TATDN3: variants seen among roughly 807,000 people sequenced by gnomAD.
TATDN3 encodes deoxyribonuclease TATDN3.
Under a neutral mutation model 40.1 loss-of-function variants are expected in TATDN3, and 29 were observed. The ratio of observed to expected loss-of-function variants is 0.72; its 90% confidence interval spans 0.54 to 0.99. TATDN3 has a LOEUF of 0.99. TATDN3 is among the 50% of genes least tolerant of loss of function. TATDN3 has a pLI of 0.00. For missense variants in TATDN3, 309 were observed against 321.9 expected (o/e 0.96, Z 0.31); for synonymous variants, 105 against 117.0 (o/e 0.90, Z 0.66).
At chr1:212,811,915 C>G (rs998193535) in intron 8 of TATDN3, among the ~76,000 whole-genome samples, 3 of 152,002 alleles carry the variant, frequency 2.0e-5, no homozygotes, top group Non-Finnish European at 4.4e-5. Flanking sequence ...GTTGGCCAGG[C>G]TAGTCTTGAA....
chr1:212,815,011 A>G lies in TATDN3; in HGVS notation c.682-2A>G. On this transcript the variant is annotated splice_acceptor_variant, in intron 9 of 9. Coordinates refer to ENST00000366974, the MANE Select transcript of TATDN3 (RefSeq NM_001042552.3). LOFTEE classifies it high-confidence loss of function. ...GACATGGTGTCTGCTGTCTTGTTTCAGGTACGGAATGAGCCCTGGAACATT... is the reference window on the plus strand; with the variant it reads ...GACATGGTGTCTGCTGTCTTGTTTCGGGTACGGAATGAGCCCTGGAACATT... The G allele has an allele frequency of 6.2e-7, 1 of 1,610,990 alleles. No individual in the cohort carries two copies. Among genetic ancestry groups the G allele is most frequent in the South Asian group, 1.1e-5 (1 of 90,502 alleles).
In TATDN3 at chr1:212,815,270, GATTGTA is replaced by G. The variant is rs1419751617; in HGVS notation, c.*121_*126del. On this transcript the variant is annotated 3_prime_UTR_variant, in exon 10 of 10. Coordinates refer to ENST00000366974, the MANE Select transcript of TATDN3 (RefSeq NM_001042552.3). ...GAAGCTGTTTTATAGGGTTATAGAA[GATTGTA>G]ATTGTAGAGAAATATTTCTCTTAGA... The G allele has an allele frequency of 1.7e-4, 201 of 1,184,728 alleles. 1 individual carries two copies. The Middle Eastern group carries it at 2.5e-3, about 15-fold the overall frequency. 73.4% of individuals were successfully genotyped at this position (1,184,728 alleles called of 1,614,324 possible).
At position 212,795,204 on chromosome 1, in the gene TATDN3, G is replaced by C. The variant is rs183818118; in HGVS notation, c.99+77G>C. 3.6e-3 allele frequency: 3,586 copies of C among 991,704 alleles called. 9 individuals are homozygous for C. The highest frequency in any genetic ancestry group is 5.0e-3 in the Non-Finnish European group (3,117 of 624,768). The allele number at this position is 991,704 out of a possible 1,614,324, so 61.4% of individuals were successfully genotyped here. A position where few individuals can be genotyped will look rare whatever the true frequency, so the allele number is the denominator to read the frequency against. ...TCAAGCCAAAACAGCTTGAAATTTAGATATACTACCTTGATGTTTCAGTAG... is the reference window on the plus strand; with the variant it reads ...TCAAGCCAAAACAGCTTGAAATTTACATATACTACCTTGATGTTTCAGTAG... On this transcript the variant is annotated intron_variant, in intron 2 of 9. Coordinates refer to ENST00000366974, the MANE Select transcript of TATDN3 (RefSeq NM_001042552.3).
intron 8 of TATDN3, among the ~76,000 whole-genome samples, chr1:212,810,389 G>A (rs1196073959): frequency 6.6e-6 from 1 of 151,186 alleles, no homozygotes; most frequent in African/African-American, 2.4e-5. Flanking sequence ...GTGGGCGCCT[G>A]TAGTCCCAGC....
intron 9 of TATDN3, among the ~76,000 whole-genome samples, 160 bp downstream of exon 9, chr1:212,812,488 T>C (rs568908359): frequency 9.2e-5 from 14 of 152,348 alleles, no homozygotes; most frequent in African/African-American, 3.4e-4. Context: ...TTTCTAAATA[T>C]AGCTGTTGCA....
rs1375549346 is a variant in TATDN3 at position 212,806,829 on chromosome 1, T to TATATACAC, written c.488-902_488-901insCACATATA. On this transcript the variant is annotated intron_variant, in intron 7 of 9. Transcript: ENST00000366974. ...ATACACATATATACACATATATACA[T>TATATACAC]ATATATACATATATACACATATATA... Among the ~76,000 whole-genome samples the TATATACAC allele has an allele frequency of 7.2e-3, 404 of 56,184 alleles. 16 individuals carry two copies. The highest frequency in any genetic ancestry group is 0.016 in the South Asian group (26 of 1,612). The allele number at this position is 56,184 out of a possible 152,430, so 36.9% of individuals were successfully genotyped here. A position where few individuals can be genotyped will look rare whatever the true frequency, so the allele number is the denominator to read the frequency against.
chr1:212,810,575 T>A (rs1441388274), intron 8 of TATDN3, among the ~76,000 whole-genome samples: 2 of 142,664 alleles, frequency 1.4e-5, no homozygotes, highest in South Asian at 2.2e-4. Flanking sequence ...TAGTCCCAAC[T>A]ACTTGGGAGG....
At chr1:212,806,921 CATATAT>C (rs1214891800) in intron 7 of TATDN3, among the ~76,000 whole-genome samples, 1 of 123,582 alleles carries the variant, frequency 8.1e-6, no homozygotes, top group African/African-American at 3.4e-5. Context: ...CACATATATA[CATATAT>C]ATATATTTAT....
chr1:212,815,256 A>G lies in TATDN3; in HGVS notation c.*100A>G. On this transcript the variant is annotated 3_prime_UTR_variant, in exon 10 of 10. Coordinates refer to ENST00000366974, the MANE Select transcript of TATDN3 (RefSeq NM_001042552.3). ...GAATCTGAACTGAAGAAGCTGTTTT[A>G]TAGGGTTATAGAAGATTGTAATTGT... The G allele has an allele frequency of 7.4e-7, 1 of 1,350,904 alleles. No individual in the cohort carries two copies. Among genetic ancestry groups the G allele is most frequent in the Non-Finnish European group, 1.0e-6 (1 of 1,001,674 alleles). 83.7% of individuals were successfully genotyped at this position (1,350,904 alleles called of 1,614,324 possible).
rs1315831910 is a variant in TATDN3 at position 212,807,855 on chromosome 1, T to G, written c.600+7T>G. On this transcript the variant is annotated splice_region_variant and intron_variant, in intron 8 of 9. Coordinates refer to ENST00000366974, the MANE Select transcript of TATDN3 (RefSeq NM_001042552.3). ...TATCATAAGAAGTGGACAGGTAAATTTTTTCATTGAAACTCATCTAATACT... is the reference window on the plus strand; with the variant it reads ...TATCATAAGAAGTGGACAGGTAAATGTTTTCATTGAAACTCATCTAATACT... 6.3e-7 allele frequency: 1 copy of G among 1,577,274 alleles called. No individual in the cohort carries two copies. Among genetic ancestry groups the G allele is most frequent in the Non-Finnish European group, 8.7e-7 (1 of 1,154,432 alleles).
intron 8 of TATDN3, among the ~76,000 whole-genome samples, chr1:212,809,997 C>G (rs967453402): frequency 6.6e-6 from 1 of 152,110 alleles, no homozygotes; most frequent in African/African-American, 2.4e-5. Context: ...GCACTCCAGC[C>G]TGGGCGACAG....
At chr1:212,793,833 G>T (rs1661528266) in intron 1 of TATDN3, among the ~76,000 whole-genome samples, 1 of 152,156 alleles carries the variant, frequency 6.6e-6, no homozygotes, top group Admixed American at 6.5e-5. Context: ...AAGGTCTGAG[G>T]TGGAGGTGGG....
At chr1:212,800,244 C>T (rs1045377685) in intron 4 of TATDN3, among the ~76,000 whole-genome samples, 4 of 152,068 alleles carry the variant, frequency 2.6e-5, no homozygotes, top group Admixed American at 6.6e-5. Flanking sequence ...TGATGCTGGA[C>T]GGGACCAGAG....
intron 9 of TATDN3, among the ~76,000 whole-genome samples, chr1:212,814,138 A>G (rs1280507094): frequency 6.6e-6 from 1 of 152,104 alleles, no homozygotes; most frequent in Non-Finnish European, 1.5e-5. Flanking sequence ...GTATATATTA[A>G]TAAACATACT....
At chr1:212,801,082 C>T (rs551936079) in intron 4 of TATDN3, among the ~76,000 whole-genome samples, 1 of 151,540 alleles carries the variant, frequency 6.6e-6, no homozygotes, top group Admixed American at 6.6e-5. Flanking sequence ...CCCAGCTACT[C>T]GAGAGGCTGA....
chr1:212,806,746 CCATATATATATATATATATATA>C (rs1662503460), intron 7 of TATDN3, among the ~76,000 whole-genome samples: 1 of 45,188 alleles, frequency 2.2e-5, no homozygotes, highest in East Asian at 8.2e-4. Flanking sequence ...CTCTCTCTCT[CCATATATATATATATATATATA>C]TATATATATA....
At chr1:212,808,465 G>A (rs1662676393) in intron 8 of TATDN3, among the ~76,000 whole-genome samples, 2 of 151,868 alleles carry the variant, frequency 1.3e-5, no homozygotes, top group African/African-American at 2.4e-5. Context: ...AATTTAAAAT[G>A]TTCACAATAA....
intron 8 of TATDN3, among the ~76,000 whole-genome samples, chr1:212,811,362 A>G (rs1461943737): frequency 6.6e-6 from 1 of 151,862 alleles, no homozygotes; most frequent in Non-Finnish European, 1.5e-5. Context: ...CGAACTTCCA[A>G]TCTCAAGTGA....
At chr1:212,796,468 T>C in intron 2 of TATDN3, 49 bp from the exon 3 acceptor site, 2 of 1,350,984 alleles carry the variant, frequency 1.5e-6, no homozygotes, top group Non-Finnish European at 1.9e-6. Context: ...TTCTATAATT[T>C]ATATTAAATG....
Sources: gnomAD v4.1 joint callset for allele counts (sites outside exome capture counted in the v4.1 genomes callset) on GRCh38, gnomAD v4.1.1 for gene constraint, MANE v1.5 for transcripts, NCBI Gene and HGNC (gene_info 2026-07-23, HGNC 2026-07-21) for gene names.